Variants in SLC36A1 observed in about 807,000 individuals in gnomAD.
SLC36A1 encodes proton-coupled amino acid transporter 1.
Under a neutral mutation model 47.5 loss-of-function variants are expected in SLC36A1, and 30 were observed. The ratio of observed to expected loss-of-function variants is 0.63; its 90% confidence interval spans 0.47 to 0.86. The LOEUF (loss-of-function observed/expected upper bound fraction) is 0.86. SLC36A1 is among the 40% of genes least tolerant of loss of function. SLC36A1 has a pLI of 0.00. For missense variants in SLC36A1, 517 were observed against 606.0 expected (o/e 0.85, Z 1.54); for synonymous variants, 255 against 249.7 (o/e 1.02, Z -0.20).
the SLC36A1 span, among the ~76,000 whole-genome samples, chr5:151,508,538 C>T: frequency 1.3e-5 from 2 of 152,000 alleles, no homozygotes; most frequent in South Asian, 4.2e-4. Flanking sequence ...GGTGAAACCC[C>T]GTATCTACTA....
At chr5:151,349,681 T>C in the SLC36A1 span, among the ~76,000 whole-genome samples, 7 of 152,228 alleles carry the variant, frequency 4.6e-5, no homozygotes, top group African/African-American at 1.4e-4. Flanking sequence ...ACTAGACATC[T>C]CCAAAAAGAG....
intron 1 of SLC36A1, among the ~76,000 whole-genome samples, chr5:151,458,340 T>TACAC (rs201261790): frequency 2.1e-5 from 2 of 96,944 alleles, no homozygotes; most frequent in African/African-American, 7.0e-5. Flanking sequence ...ATATGGGATA[T>TACAC]TTATATATAT....
At chr5:151,449,432 AG>A (rs1753277016) in intron 1 of SLC36A1, among the ~76,000 whole-genome samples, 1 of 152,200 alleles carries the variant, frequency 6.6e-6, no homozygotes, top group Non-Finnish European at 1.5e-5. Context: ...CGTGCAGCAG[AG>A]GCTGTGCTGA....
At chr5:151,517,894 T>G in the SLC36A1 span, 1 of 1,160,360 alleles carries the variant, frequency 8.6e-7, no homozygotes, top group Non-Finnish European at 1.2e-6. Flanking sequence ...ATGAAGAAAC[T>G]AGGCTGGGTG....
the SLC36A1 span, among the ~76,000 whole-genome samples, chr5:151,370,269 C>G: frequency 1.3e-5 from 2 of 152,320 alleles, no homozygotes; most frequent in African/African-American, 4.8e-5. Flanking sequence ...TATGATCATC[C>G]CACCACAGAT....
At chr5:151,375,410 T>C in the SLC36A1 span, among the ~76,000 whole-genome samples, 4 of 152,234 alleles carry the variant, frequency 2.6e-5, no homozygotes, top group Non-Finnish European at 5.9e-5. Flanking sequence ...TTCTGTTCCA[T>C]TGGTCTTTGT....
the SLC36A1 span, among the ~76,000 whole-genome samples, chr5:151,388,997 A>G: frequency 6.6e-6 from 1 of 152,222 alleles, no homozygotes; most frequent in Non-Finnish European, 1.5e-5. Flanking sequence ...TTTAAGGGAC[A>G]TAAGGCAGAG....
chr5:151,467,725 G>A lies in SLC36A1; in HGVS notation c.523G>A (p.Gly175Arg). The A allele has an allele frequency of 6.2e-7, 1 of 1,614,002 alleles. No homozygotes were observed. Among genetic ancestry groups the A allele is most frequent in the Non-Finnish European group, 8.5e-7 (1 of 1,179,962 alleles). ...ATTCTAGGTGATAGAAGCGGCCAATGGGACCACCAATAACTGCCACAACAA... is the reference window on the plus strand; with the variant it reads ...ATTCTAGGTGATAGAAGCGGCCAATAGGACCACCAATAACTGCCACAACAA... ...NFKQVIEAANGTTNNCHNNET... is the reference protein window; with the variant it reads ...NFKQVIEAANRTTNNCHNNET... Residue 175 changes from glycine to arginine, a missense_variant, in exon 7 of 11, where the codon GGG (glycine) becomes AGG (arginine). Coordinates refer to ENST00000243389, the MANE Select transcript of SLC36A1 (RefSeq NM_078483.4).
the SLC36A1 span, chr5:151,381,947 C>CT: frequency 4.3e-6 from 2 of 466,344 alleles, no homozygotes; most frequent in Admixed American, 7.3e-5. Flanking sequence ...TCTGCTCTGT[C>CT]TAGGCAGTCA....
intron 2 of SLC36A1, among the ~76,000 whole-genome samples, chr5:151,460,762 C>T (rs979274640): frequency 2.7e-5 from 4 of 150,780 alleles, no homozygotes; most frequent in Admixed American, 1.3e-4. Flanking sequence ...TTTAATATGT[C>T]GGAAGTGTTA....
At chr5:151,516,509 C>T in the SLC36A1 span, among the ~76,000 whole-genome samples, 1 of 152,148 alleles carries the variant, frequency 6.6e-6, no homozygotes. Flanking sequence ...GAGTGAGACT[C>T]TGTCTCAATA....
chr5:151,418,009 AT>A, the SLC36A1 span, among the ~76,000 whole-genome samples: 5 of 152,238 alleles, frequency 3.3e-5, no homozygotes, highest in Non-Finnish European at 5.9e-5. Flanking sequence ...AGGTGCCAAC[AT>A]AGAGCTCAGG....
chr5:151,482,858 C>T (rs1278789217), intron 10 of SLC36A1, among the ~76,000 whole-genome samples: 2 of 151,874 alleles, frequency 1.3e-5, no homozygotes, highest in East Asian at 1.9e-4. Flanking sequence ...ATGGTGAAAC[C>T]CCGTCTCTAC....
the SLC36A1 span, chr5:151,542,509 A>C: frequency 6.2e-7 from 1 of 1,614,170 alleles, no homozygotes; most frequent in Non-Finnish European, 8.5e-7. Flanking sequence ...CACCACATGA[A>C]AATGATAAGT....
At chr5:151,527,917 C>T in the SLC36A1 span, 9 of 1,540,594 alleles carry the variant, frequency 5.8e-6, no homozygotes, top group Admixed American at 1.8e-5. Context: ...GTCTTGACAG[C>T]GATTCATCTT....
the SLC36A1 span, chr5:151,505,605 A>G: frequency 6.2e-7 from 1 of 1,613,950 alleles, no homozygotes; most frequent in Non-Finnish European, 8.5e-7. Context: ...ATCACTCTCC[A>G]CCATGTCAGA....
the SLC36A1 span, among the ~76,000 whole-genome samples, chr5:151,373,042 C>T: frequency 5.3e-5 from 8 of 151,824 alleles, no homozygotes; most frequent in South Asian, 1.5e-3. Flanking sequence ...TGAGACTCCT[C>T]CATCTCTATT....
chr5:151,359,568 A>G, the SLC36A1 span, among the ~76,000 whole-genome samples: 1 of 152,220 alleles, frequency 6.6e-6, no homozygotes, highest in Non-Finnish European at 1.5e-5. Context: ...GTAAATTTAT[A>G]ATTGTGCAAT....
chr5:151,459,357 T>G (rs1195678115), intron 2 of SLC36A1, among the ~76,000 whole-genome samples: 4 of 152,188 alleles, frequency 2.6e-5, no homozygotes, highest in Non-Finnish European at 4.4e-5. Flanking sequence ...GAGAGAAGAA[T>G]TAACTTCTGC....
Sources: allele counts gnomAD v4.1 joint callset (sites outside exome capture counted in the v4.1 genomes callset), GRCh38; gene constraint gnomAD v4.1.1; transcripts MANE v1.5; gene names NCBI Gene and HGNC (gene_info 2026-07-23, HGNC 2026-07-21).